WT1: variants seen among roughly 807,000 people sequenced by gnomAD.
The protein encoded by WT1 is Wilms tumor protein.
A neutral mutation model predicts 60.8 loss-of-function variants in WT1; 8 were observed. The observed-to-expected ratio is 0.13, with a 90% CI of 0.08 to 0.24. WT1 has a LOEUF of 0.24. Ranked by LOEUF, WT1 falls within the 10% of genes least tolerant of loss-of-function variation. The pLI, the probability that WT1 is intolerant of heterozygous loss-of-function variation, is 1.00. For missense variants in WT1, 568 were observed against 711.8 expected (o/e 0.80, Z 2.30); for synonymous variants, 312 against 297.1 (o/e 1.05, Z -0.52).
At chr11:32,389,535 C>G (rs893055256) in intron 9 of WT1, among the ~76,000 whole-genome samples, 1 of 152,064 alleles carries the variant, frequency 6.6e-6, no homozygotes, top group Non-Finnish European at 1.5e-5. Context: ...AAATTTCTCC[C>G]CCTTGTTGAG....
intron 5 of WT1, among the ~76,000 whole-genome samples, chr11:32,403,894 A>T (rs1240852184): frequency 6.6e-6 from 1 of 152,000 alleles, no homozygotes; most frequent in African/African-American, 2.4e-5. Flanking sequence ...TTACTATTTT[A>T]CAGCCATCTG....
intron 3 of WT1, among the ~76,000 whole-genome samples, chr11:32,423,920 T>C (rs1852935470): frequency 6.6e-6 from 1 of 152,182 alleles, no homozygotes; most frequent in Admixed American, 6.5e-5. Flanking sequence ...TCCAGCACTT[T>C]GGGAGGCCCA....
At position 32,392,712 on chromosome 11, in the gene WT1, C is replaced by A. The variant is rs1851852809; in HGVS notation, c.1308G>T (p.Arg436Ser). The A allele has an allele frequency of 1.2e-6, 2 of 1,613,906 alleles. No homozygotes were observed. The highest frequency in any genetic ancestry group is 2.2e-5 in the East Asian group (1 of 44,876). ...TTTTGAGCTGGTCTGAACGAGAAAA[C>A]CTTCGTTCACAGTCCTTGAAGTCAC... The change falls in exon 8 of 10, where the codon AGG becomes AGT. Residue 436 changes from arginine (R) to serine (S), a missense_variant. This residue lies in a region of WT1 where 16 missense variants were observed against 99.8 expected (regional missense o/e 0.16). Coordinates refer to ENST00000452863, the MANE Select transcript of WT1 (RefSeq NM_024426.6).
intron 4 of WT1, among the ~76,000 whole-genome samples, chr11:32,417,153 G>A (rs5030201): frequency 0.35 from 52,498 of 151,964 alleles, 10,583 homozygotes; most frequent in East Asian, 0.72. Flanking sequence ...AGGTATGGGC[G>A]TATCTGACTG....
At chr11:32,433,370 G>A (rs537718933) in intron 1 of WT1, among the ~76,000 whole-genome samples, 2 of 152,248 alleles carry the variant, frequency 1.3e-5, no homozygotes, top group African/African-American at 2.4e-5. Flanking sequence ...GCTTCGCGGG[G>A]GCCGGGTGCT....
intron 5 of WT1, 24 bp downstream of exon 5, chr11:32,416,466 G>T (rs749568565): frequency 6.2e-7 from 1 of 1,613,940 alleles, no homozygotes; most frequent in Admixed American, 1.7e-5. Flanking sequence ...CATTTGCTTT[G>T]CCATCTCCGC....
chr11:32,403,211 C>G (rs1852208094), intron 5 of WT1, among the ~76,000 whole-genome samples: 1 of 152,014 alleles, frequency 6.6e-6, no homozygotes, highest in Admixed American at 6.5e-5. Context: ...AAAGGACAAA[C>G]ACACCAATGC....
intron 9 of WT1, among the ~76,000 whole-genome samples, chr11:32,389,825 G>A (rs1177918906): frequency 6.6e-6 from 1 of 151,860 alleles, no homozygotes; most frequent in Non-Finnish European, 1.5e-5. Flanking sequence ...TTTTTAATAA[G>A]CTTGCCAAAA....
chr11:32,388,267 A>C lies in WT1; in HGVS notation c.*791T>G. The C allele has an allele frequency of 4.3e-6, 1 of 233,718 alleles. No homozygotes were observed. The highest frequency in any genetic ancestry group is 8.5e-6 in the Non-Finnish European group (1 of 118,068). The allele number at this position is 233,718 out of a possible 1,614,324, so 14.5% of individuals were successfully genotyped here. A position where few individuals can be genotyped will look rare whatever the true frequency, so the allele number is the denominator to read the frequency against. ...CAGTGATGAAAATGAATTCCCCTCC[A>C]TTTGTGCAAGGAGGTATGTACATCT... is the stretch of plus-strand genomic sequence containing the variant. On this transcript the variant is annotated 3_prime_UTR_variant, in exon 10 of 10. Coordinates refer to ENST00000452863, the MANE Select transcript of WT1 (RefSeq NM_024426.6).
chr11:32,398,878 C>T (rs181403514), intron 6 of WT1, among the ~76,000 whole-genome samples: 54 of 151,144 alleles, frequency 3.6e-4, no homozygotes, highest in South Asian at 3.0e-3. Flanking sequence ...AAGACCGAGC[C>T]GGGCACAGTG....
intron 3 of WT1, among the ~76,000 whole-genome samples, chr11:32,420,760 T>C (rs1852828800): frequency 6.6e-6 from 1 of 152,176 alleles, no homozygotes; most frequent in Non-Finnish European, 1.5e-5. Context: ...CATGACCTAC[T>C]CAGTCTCTAG....
Position 32,392,745 on chromosome 11 carries a change from T to G in WT1, c.1275A>C (p.Pro425=). 1 of 1,614,018 alleles carries G rather than the reference T, an allele frequency of 6.2e-7. No homozygotes were observed. The highest frequency in any genetic ancestry group is 8.5e-7 in the Non-Finnish European group (1 of 1,179,896). Residue 425 remains proline (P), a synonymous_variant, in exon 8 of 10, where the codon CCA becomes CCC. Transcript: ENST00000452863. The stretch of plus-strand genomic sequence containing the variant: ...CACAGTCCTTGAAGTCACACTGGTA[T>G]GGTTTCTCACCTTGGGGAAGACACA...
At position 32,428,011 on chromosome 11, in the gene WT1, G is replaced by T; in HGVS notation, c.832C>A (p.Pro278Thr). Reference sequence around the variant, plus strand: ...TGGCTGCCGGTGCAGCTGTCGGTGGGGGTGTGGCAGCCATAGACCGGGGGC... The same window carrying T: ...TGGCTGCCGGTGCAGCTGTCGGTGGTGGTGTGGCAGCCATAGACCGGGGGC... The change falls in exon 3 of 10, where the codon CCC (proline) becomes ACC (threonine). Residue 278 changes from proline to threonine, a missense_variant. Around this residue, in one of 3 missense-constraint regions of WT1, gnomAD observed 523 missense variants for 565.1 expected, o/e 0.93. Coordinates refer to ENST00000452863, the MANE Select transcript of WT1 (RefSeq NM_024426.6). 1 of 1,611,482 alleles carries T rather than the reference G, an allele frequency of 6.2e-7. No individual in the cohort carries two copies. Among genetic ancestry groups the T allele is most frequent in the Non-Finnish European group, 8.5e-7 (1 of 1,178,960 alleles).
At chr11:32,400,212 G>C in intron 5 of WT1, 168 bp from the exon 6 acceptor site, 1 of 796,018 alleles carries the variant, frequency 1.3e-6, no homozygotes, top group Non-Finnish European at 2.1e-6. Flanking sequence ...TCTGCGGAGG[G>C]CGAGGCCCCT....
At chr11:32,433,134 C>G (rs2133095548) in intron 1 of WT1, among the ~76,000 whole-genome samples, 1 of 152,348 alleles carries the variant, frequency 6.6e-6, no homozygotes, top group South Asian at 2.1e-4. Flanking sequence ...GACCTAGAAA[C>G]TCCCCAAAAG....
rs1590412048 is a variant in WT1 at position 32,435,413 on chromosome 11, C to T, written c.-53G>A. On this transcript the variant is annotated 5_prime_UTR_variant, in exon 1 of 10. Transcript: ENST00000452863. ...GGGCGCCTGGGCTGCCGTCCCGGCT[C>T]TGGGTGGGTGGGTGGGTGAATGAGT... is the stretch of plus-strand genomic sequence containing the variant. 2 of 120,106 alleles carry T rather than the reference C, an allele frequency of 1.7e-5. No individual in the cohort carries two copies. The highest frequency in any genetic ancestry group is 1.9e-3 in the East Asian group (2 of 1,028). 7.4% of individuals were successfully genotyped at this position (120,106 alleles called of 1,614,324 possible).
chr11:32,397,609 C>G (rs1277922585), intron 6 of WT1, among the ~76,000 whole-genome samples: 1 of 151,754 alleles, frequency 6.6e-6, no homozygotes, highest in Non-Finnish European at 1.5e-5. Flanking sequence ...TGTGAGCCAC[C>G]ATGCCTGGCC....
intron 5 of WT1, among the ~76,000 whole-genome samples, chr11:32,412,633 A>G (rs533674632): frequency 6.6e-6 from 1 of 151,540 alleles, no homozygotes. Flanking sequence ...AGATAACACA[A>G]GGCACCATCA....
intron 4 of WT1, among the ~76,000 whole-genome samples, chr11:32,416,776 C>G (rs531358342): frequency 3.0e-4 from 45 of 152,304 alleles, no homozygotes; most frequent in Non-Finnish European, 5.9e-4. Flanking sequence ...CATCCCAGCT[C>G]TAGCACTTAG....
Sources: allele counts gnomAD v4.1 joint callset (sites outside exome capture counted in the v4.1 genomes callset), GRCh38; gene constraint gnomAD v4.1.1; regional missense constraint gnomAD v4.1.1; transcripts MANE v1.5; gene names NCBI Gene and HGNC (gene_info 2026-07-23, HGNC 2026-07-21).